The following MBD5 variants were observed in gnomAD, a reference collection of about 807,000 sequenced individuals.
MBD5 encodes methyl-CpG-binding domain protein 5.
A neutral mutation model predicts 117.3 loss-of-function variants in MBD5; 13 were observed. The observed-to-expected ratio is 0.11, with a 90% confidence interval of 0.07 to 0.18. The LOEUF (loss-of-function observed/expected upper bound fraction) is 0.18, where lower values mean the gene tolerates loss of function less well. Among genes scored for constraint, MBD5 ranks in the 10% least tolerant of loss-of-function variants. The pLI, the probability that MBD5 is intolerant of heterozygous loss-of-function variation, is 1.00. For missense variants in MBD5, 1,879 were observed against 2,093.8 expected (o/e 0.90, Z 2.00); for synonymous variants, 727 against 766.4 (o/e 0.95, Z 0.85).
chr2:148,255,349 A>G (rs1307700702), intron 3 of MBD5, among the ~76,000 whole-genome samples: 1 of 152,140 alleles, frequency 6.6e-6, no homozygotes, highest in African/African-American at 2.4e-5. Flanking sequence ...CACGGACAGT[A>G]CATGTGTCCC....
At chr2:148,150,391 T>G (rs920030493) in intron 1 of MBD5, among the ~76,000 whole-genome samples, 25 of 151,808 alleles carry the variant, frequency 1.6e-4, no homozygotes, top group African/African-American at 5.6e-4. Flanking sequence ...TCCAGCTTTG[T>G]TCTTTTGGCT....
intron 3 of MBD5, among the ~76,000 whole-genome samples, chr2:148,339,110 C>T (rs927394957): frequency 2.0e-5 from 3 of 152,234 alleles, no homozygotes; most frequent in Admixed American, 1.3e-4. Flanking sequence ...CCTATCAGGT[C>T]TCTGTGATGA....
intron 5 of MBD5, among the ~76,000 whole-genome samples, chr2:148,462,373 A>G (rs1707116148): frequency 6.6e-6 from 1 of 152,050 alleles, no homozygotes; most frequent in Non-Finnish European, 1.5e-5. Flanking sequence ...GAAGATCTGT[A>G]TTTTTCTGAG....
chr2:148,056,743 C>G (rs1187434518), intron 1 of MBD5, among the ~76,000 whole-genome samples: 1 of 151,768 alleles, frequency 6.6e-6, no homozygotes, highest in African/African-American at 2.4e-5. Flanking sequence ...TGTAATTGCC[C>G]TTTTTAAAAA....
intron 1 of MBD5, among the ~76,000 whole-genome samples, chr2:148,127,298 C>A (rs935620899): frequency 1.3e-5 from 2 of 152,096 alleles, no homozygotes; most frequent in Admixed American, 1.3e-4. Flanking sequence ...CATAGGTAAA[C>A]GTGTGCCATG....
At chr2:148,445,164 T>C (rs1706448913) in intron 4 of MBD5, among the ~76,000 whole-genome samples, 1 of 151,228 alleles carries the variant, frequency 6.6e-6, no homozygotes, top group Admixed American at 6.6e-5. Context: ...TACTTTAAGT[T>C]CTAGGATACA....
chr2:148,052,025 C>T (rs1370601525), intron 1 of MBD5, among the ~76,000 whole-genome samples: 1 of 151,660 alleles, frequency 6.6e-6, no homozygotes, highest in Non-Finnish European at 1.5e-5. Flanking sequence ...GTTATCATTC[C>T]TAATTTTACC....
chr2:148,076,890 A>G (rs566384825), intron 1 of MBD5, among the ~76,000 whole-genome samples: 3 of 152,202 alleles, frequency 2.0e-5, no homozygotes, highest in Non-Finnish European at 4.4e-5. Context: ...AAGTAATTTT[A>G]TATTGGAGAT....
At chr2:148,168,931 A>T (rs1314036656) in intron 1 of MBD5, among the ~76,000 whole-genome samples, 2 of 149,496 alleles carry the variant, frequency 1.3e-5, no homozygotes, top group Non-Finnish European at 3.0e-5. Flanking sequence ...TATATAGGAT[A>T]TATATACATA....
chr2:148,223,720 TTTTA>T (rs1699749254), intron 2 of MBD5, among the ~76,000 whole-genome samples: 1 of 152,112 alleles, frequency 6.6e-6, no homozygotes. Flanking sequence ...TTTATTTCAA[TTTTA>T]TTTATTTATG....
intron 3 of MBD5, among the ~76,000 whole-genome samples, chr2:148,324,619 G>A (rs1197043850): frequency 1.3e-5 from 2 of 151,874 alleles, no homozygotes; most frequent in African/African-American, 4.8e-5. Flanking sequence ...GTTCACTCAT[G>A]ATTTGGCTCT....
Position 148,463,798 on chromosome 2 carries a change from A to C in MBD5, c.276A>C (p.Ala92=), listed in dbSNP as rs141855494. Residue 92 remains alanine (A), a synonymous_variant, in exon 7 of 14, where the codon GCA becomes GCC. Transcript: ENST00000642680. ...AGAGAACCGCAGAAGATGTTAAGGC[A>C]GATGAAGATGTCACAAAGCTATGCA... The part of the protein sequence containing the change: ...VKQRTAEDVK[A]DEDVTKLCIH... 1 of 1,613,770 alleles carries C rather than the reference A, an allele frequency of 6.2e-7. No individual in the cohort carries two copies. The highest frequency in any genetic ancestry group is 1.7e-5 in the Admixed American group (1 of 59,964).
chr2:148,352,038 T>C (rs1703262821), intron 4 of MBD5, among the ~76,000 whole-genome samples: 1 of 152,076 alleles, frequency 6.6e-6, no homozygotes, highest in Non-Finnish European at 1.5e-5. Context: ...TGGGTAACTT[T>C]TGGAGTCAAA....
intron 1 of MBD5, among the ~76,000 whole-genome samples, chr2:148,152,884 T>G (rs1697728276): frequency 6.6e-6 from 1 of 152,054 alleles, no homozygotes; most frequent in Admixed American, 6.5e-5. Context: ...GGGTCTTGAC[T>G]CTTTATCCAA....
At chr2:148,052,437 C>T (rs1282403745) in intron 1 of MBD5, among the ~76,000 whole-genome samples, 3 of 151,876 alleles carry the variant, frequency 2.0e-5, no homozygotes, top group Non-Finnish European at 4.4e-5. Flanking sequence ...CTCGAACTCT[C>T]GATCTCAGGT....
chr2:148,088,410 A>C (rs1320505656), intron 1 of MBD5, among the ~76,000 whole-genome samples: 1 of 152,196 alleles, frequency 6.6e-6, no homozygotes, highest in Non-Finnish European at 1.5e-5. Flanking sequence ...CACGGTCATC[A>C]GGTTATCCAA....
At chr2:148,464,587 C>T (rs1707199277) in intron 7 of MBD5, among the ~76,000 whole-genome samples, 1 of 151,942 alleles carries the variant, frequency 6.6e-6, no homozygotes, top group Admixed American at 6.6e-5. Context: ...TTAACACTGA[C>T]ATAATATTAT....
chr2:148,397,957 T>C (rs1445232362), intron 4 of MBD5, among the ~76,000 whole-genome samples: 1 of 152,216 alleles, frequency 6.6e-6, no homozygotes, highest in Non-Finnish European at 1.5e-5. Context: ...TCCAGCTTCA[T>C]CCATATCCCT....
At chr2:148,085,446 C>T (rs1241640451) in intron 1 of MBD5, among the ~76,000 whole-genome samples, 1 of 152,126 alleles carries the variant, frequency 6.6e-6, no homozygotes, top group African/African-American at 2.4e-5. Flanking sequence ...TTGGAGCGGC[C>T]GGGCGCGGTG....
Sources: gnomAD v4.1 joint callset for allele counts (sites outside exome capture counted in the v4.1 genomes callset) on GRCh38, gnomAD v4.1.1 for gene constraint, MANE v1.5 for transcripts, NCBI Gene and HGNC (gene_info 2026-07-23, HGNC 2026-07-21) for gene names.